Variants in CDH10 observed in about 807,000 individuals in gnomAD.
CDH10 encodes cadherin-10.
CDH10 carries 30 observed loss-of-function variants against 73.1 expected under a neutral mutation model. The ratio of observed to expected loss-of-function variants is 0.41; its 90% CI spans 0.31 to 0.56. CDH10 has a LOEUF of 0.56. CDH10 is among the 20% of genes least tolerant of loss of function. CDH10 has a pLI of 0.27. For missense variants in CDH10, 815 were observed against 973.7 expected, an observed-to-expected ratio of 0.84 and a Z score of 2.17; for synonymous variants, 345 against 348.2, an observed-to-expected ratio of 0.99 and a Z score of 0.10.
At chr5:24,552,918 T>A (rs1744600457) in intron 2 of CDH10, among the ~76,000 whole-genome samples, 1 of 152,112 alleles carries the variant, frequency 6.6e-6, no homozygotes, top group Non-Finnish European at 1.5e-5. Flanking sequence ...AGGGACTGTT[T>A]GTGATTCAAA....
chr5:24,595,732 A>C (rs1390765687), intron 1 of CDH10, among the ~76,000 whole-genome samples: 1 of 151,990 alleles, frequency 6.6e-6, no homozygotes, highest in Non-Finnish European at 1.5e-5. Flanking sequence ...TTGAAGAAAC[A>C]GTCATTCTCA....
intron 1 of CDH10, among the ~76,000 whole-genome samples, chr5:24,600,348 A>C (rs1394111687): frequency 6.6e-6 from 1 of 152,178 alleles, no homozygotes; most frequent in Non-Finnish European, 1.5e-5. Context: ...TCTTTCTATA[A>C]ATAGGGTCAT....
intron 1 of CDH10, among the ~76,000 whole-genome samples, chr5:24,643,352 T>TA (rs1748119015): frequency 6.6e-6 from 1 of 151,970 alleles, no homozygotes; most frequent in East Asian, 1.9e-4. Context: ...ATACCAGACC[T>TA]AAAAAATGAG....
At chr5:24,562,641 G>C (rs960717779) in intron 2 of CDH10, among the ~76,000 whole-genome samples, 12 of 151,964 alleles carry the variant, frequency 7.9e-5, no homozygotes, top group Non-Finnish European at 1.3e-4. Context: ...AATTTCTGTA[G>C]TTAATATCAT....
intron 2 of CDH10, among the ~76,000 whole-genome samples, chr5:24,555,572 A>C (rs1744736341): frequency 6.6e-6 from 1 of 152,130 alleles, no homozygotes; most frequent in East Asian, 1.9e-4. Context: ...CACTGATCAT[A>C]TAGTGGGTCA....
chr5:24,535,563 T>G (rs192310324), intron 4 of CDH10, 140 bp downstream of exon 4: 1 of 784,356 alleles, frequency 1.3e-6, no homozygotes, highest in Non-Finnish European at 2.0e-6. Context: ...AACTTTGAGT[T>G]CTTATATCTT....
At chr5:24,509,193 CTTTT>C (rs34197649) in intron 7 of CDH10, among the ~76,000 whole-genome samples, 1 of 109,474 alleles carries the variant, frequency 9.1e-6, no homozygotes, top group Admixed American at 1.0e-4. Context: ...ATTTCAACTG[CTTTT>C]TTTTTTTTTT....
At chr5:24,580,856 G>C (rs932041486) in intron 2 of CDH10, among the ~76,000 whole-genome samples, 1 of 152,104 alleles carries the variant, frequency 6.6e-6, no homozygotes, top group African/African-American at 2.4e-5. Context: ...TCTGTGGCTT[G>C]TGTCCCCTTC....
intron 2 of CDH10, among the ~76,000 whole-genome samples, chr5:24,547,727 C>T (rs1442309740): frequency 6.6e-6 from 1 of 152,086 alleles, no homozygotes; most frequent in African/African-American, 2.4e-5. Flanking sequence ...GGAAGTCCTC[C>T]AGAGATTATG....
At chr5:24,540,471 T>C (rs1259423742) in intron 2 of CDH10, among the ~76,000 whole-genome samples, 1 of 151,754 alleles carries the variant, frequency 6.6e-6, no homozygotes, top group Non-Finnish European at 1.5e-5. Flanking sequence ...CTACAGAGAG[T>C]GAAAATTAAA....
At chr5:24,523,953 G>A (rs1452839414) in intron 5 of CDH10, among the ~76,000 whole-genome samples, 1 of 152,058 alleles carries the variant, frequency 6.6e-6, no homozygotes, top group African/African-American at 2.4e-5. Flanking sequence ...TTTGTCTGAA[G>A]AAATATAGAT....
At chr5:24,548,351 C>T (rs1439151555) in intron 2 of CDH10, among the ~76,000 whole-genome samples, 1 of 151,956 alleles carries the variant, frequency 6.6e-6, no homozygotes, top group Non-Finnish European at 1.5e-5. Context: ...AAACTCCTGA[C>T]CTTGGGGGAT....
chr5:24,624,974 A>AT (rs1306211794), intron 1 of CDH10, among the ~76,000 whole-genome samples: 1 of 152,180 alleles, frequency 6.6e-6, no homozygotes, highest in African/African-American at 2.4e-5. Context: ...TCTGACATCT[A>AT]TTAAATCATG....
At chr5:24,496,748 G>A (rs1195991190) in intron 9 of CDH10, among the ~76,000 whole-genome samples, 3 of 152,152 alleles carry the variant, frequency 2.0e-5, no homozygotes, top group African/African-American at 7.2e-5. Context: ...GAGAGTCAGA[G>A]CTAACAAATT....
intron 2 of CDH10, among the ~76,000 whole-genome samples, chr5:24,584,101 A>G (rs942284871): frequency 6.6e-6 from 1 of 152,200 alleles, no homozygotes; most frequent in Non-Finnish European, 1.5e-5. Context: ...TATAAATGAA[A>G]GATAATTGGA....
chr5:24,504,498 C>T (rs1264758281), intron 8 of CDH10, among the ~76,000 whole-genome samples: 2 of 84,212 alleles, frequency 2.4e-5, no homozygotes, highest in African/African-American at 7.7e-5. Flanking sequence ...TGCTTTTCTC[C>T]TATTAATCTT....
intron 2 of CDH10, among the ~76,000 whole-genome samples, chr5:24,592,779 T>G (rs1252070914): frequency 6.6e-6 from 1 of 151,836 alleles, no homozygotes; most frequent in Non-Finnish European, 1.5e-5. Flanking sequence ...GAATAAATTT[T>G]CTTATAATAA....
intron 2 of CDH10, among the ~76,000 whole-genome samples, chr5:24,553,857 G>A (rs901208577): frequency 1.3e-5 from 2 of 151,886 alleles, no homozygotes; most frequent in African/African-American, 2.4e-5. Flanking sequence ...GTTGGGTGGG[G>A]CAAGGTGAAG....
At chr5:24,496,812 C>T (rs948689256) in intron 9 of CDH10, among the ~76,000 whole-genome samples, 3 of 152,106 alleles carry the variant, frequency 2.0e-5, no homozygotes, top group Non-Finnish European at 4.4e-5. Context: ...TTTGATTTTG[C>T]CTGCTAGGAT....
Sources: allele counts gnomAD v4.1 joint callset (sites outside exome capture counted in the v4.1 genomes callset), GRCh38; gene constraint gnomAD v4.1.1; transcripts MANE v1.5; gene names NCBI Gene and HGNC (gene_info 2026-07-23, HGNC 2026-07-21).